The following CNNM1 variants were observed in gnomAD, a reference collection of about 807,000 sequenced individuals.
CNNM1 encodes the protein cyclin and CBS domain divalent metal cation transport mediator 1.
A neutral mutation model predicts 78.8 loss-of-function variants in CNNM1; 44 were observed. The observed-to-expected ratio is 0.56, with a 90% CI of 0.44 to 0.72. The LOEUF is 0.72. CNNM1 is among the 30% of genes least tolerant of loss of function. The pLI is 0.00. For synonymous variants in CNNM1, 584 were observed against 581.5 expected, an observed-to-expected ratio of 1.00 and a Z score of -0.06; for missense variants, 1,101 against 1,292.2, an observed-to-expected ratio of 0.85 and a Z score of 2.27.
intron 1 of CNNM1, among the ~76,000 whole-genome samples, chr10:99,337,601 G>A (rs2030247858): frequency 1.3e-5 from 2 of 152,150 alleles, no homozygotes; most frequent in South Asian, 4.1e-4. Context: ...TAGATTTTTT[G>A]GCCAGCTTCA....
chr10:99,337,334 A>T (rs78463680), intron 1 of CNNM1, among the ~76,000 whole-genome samples: 2,361 of 152,346 alleles, frequency 0.015, 32 homozygotes, highest in Middle Eastern at 0.034. Context: ...CTGGTAAGGC[A>T]GCCAGCAATG....
chr10:99,356,742 C>A (rs11190071), intron 1 of CNNM1, among the ~76,000 whole-genome samples: 69,024 of 151,912 alleles, frequency 0.45, 18,630 homozygotes, highest in Non-Finnish European at 0.6. Flanking sequence ...CTTCTTCTGC[C>A]AAACTGCCTG....
At chr10:99,386,880 G>A (rs974665631) in intron 7 of CNNM1, among the ~76,000 whole-genome samples, 6 of 152,298 alleles carry the variant, frequency 3.9e-5, no homozygotes, top group Admixed American at 2.6e-4. Context: ...GGTTTTGTCC[G>A]TTCACTAGCG....
chr10:99,331,110 A>C, intron 1 of CNNM1, 150 bp downstream of exon 1: 1 of 740,210 alleles, frequency 1.4e-6, no homozygotes, highest in South Asian at 2.0e-5. Context: ...CTCCCTGGCT[A>C]TTTTCATCTC....
chr10:99,373,712 T>A (rs1363716741), intron 6 of CNNM1, among the ~76,000 whole-genome samples: 1 of 151,040 alleles, frequency 6.6e-6, no homozygotes, highest in East Asian at 1.9e-4. Context: ...TCCCTCACCC[T>A]CTCCTGCCCT....
intron 6 of CNNM1, among the ~76,000 whole-genome samples, chr10:99,370,742 A>G (rs2031771953): frequency 6.6e-6 from 1 of 152,204 alleles, no homozygotes; most frequent in Non-Finnish European, 1.5e-5. Flanking sequence ...AATTTTTTTT[A>G]CTTTGCAAAA....
chr10:99,361,254 C>T (rs971224128), intron 3 of CNNM1, among the ~76,000 whole-genome samples: 48 of 152,220 alleles, frequency 3.2e-4, no homozygotes, highest in African/African-American at 1.1e-3. Flanking sequence ...CCCTCTTCTA[C>T]TCACTTCCTC....
intron 7 of CNNM1, among the ~76,000 whole-genome samples, chr10:99,380,405 T>G (rs2032103537): frequency 6.6e-6 from 1 of 152,160 alleles, no homozygotes; most frequent in Non-Finnish European, 1.5e-5. Flanking sequence ...CTTTACAGAT[T>G]GGACAGTACT....
chr10:99,362,470 C>G (rs970977153), intron 4 of CNNM1, 74 bp downstream of exon 4: 1 of 1,464,654 alleles, frequency 6.8e-7, no homozygotes, highest in Non-Finnish European at 9.2e-7. Flanking sequence ...GCCATGCCTC[C>G]GTCAGCACCA....
chr10:99,350,658 C>T (rs555023466), intron 1 of CNNM1, among the ~76,000 whole-genome samples: 17 of 152,172 alleles, frequency 1.1e-4, no homozygotes, highest in African/African-American at 2.6e-4. Flanking sequence ...TTTCAGGTTC[C>T]GGGGTATATG....
chr10:99,347,417 A>G (rs1458922751), intron 1 of CNNM1, among the ~76,000 whole-genome samples: 1 of 151,998 alleles, frequency 6.6e-6, no homozygotes, highest in Non-Finnish European at 1.5e-5. Flanking sequence ...GCTACTTGGG[A>G]GGCTGAGGCA....
In CNNM1 at chr10:99,377,108, C is replaced by A. The variant is rs764183199; in HGVS notation, c.2230C>A (p.Arg744=). The change falls in exon 7 of 11, where the codon CGA becomes AGA. Residue 744 remains arginine, a synonymous_variant. Transcript: ENST00000356713. The part of the protein sequence containing the change: ...SGLNRSESPN[R]ERSDFGGSNT... ...GTTGAATCGCTCTGAGTCTCCAAAC[C>A]GAGAGCGCAGTGACTTTGGGGGCAG... 6.9e-6 allele frequency: 11 copies of A among 1,602,588 alleles called. No homozygotes were observed. The highest frequency in any genetic ancestry group is 8.5e-6 in the Non-Finnish European group (10 of 1,174,610).
At position 99,388,180 on chromosome 10, in the gene CNNM1, C is replaced by T. The variant is rs773917244; in HGVS notation, c.2553C>T (p.Pro851=). 1 of 1,613,946 alleles carries T rather than the reference C, an allele frequency of 6.2e-7. No homozygotes were observed. Among genetic ancestry groups the T allele is most frequent in the Non-Finnish European group, 8.5e-7 (1 of 1,179,894 alleles). Residue 851 remains proline (P), a synonymous_variant, in exon 9 of 11, where the codon CCC becomes CCT. Coordinates refer to ENST00000356713, the MANE Select transcript of CNNM1 (RefSeq NM_020348.3). ...GCCGCTCAGACGGGCTGAGAAGCCC[C>T]AGCGAGGTAGTGTACCTGAGGATGG... is the stretch of plus-strand genomic sequence containing the variant. ...PCSRSDGLRS[P]SEVVYLRMEE... is the part of the protein sequence containing the mutation.
intron 2 of CNNM1, 67 bp from the exon 3 acceptor site, chr10:99,360,768 C>T (rs2031401287): frequency 1.3e-6 from 2 of 1,522,674 alleles, no homozygotes; most frequent in Non-Finnish European, 1.8e-6. Flanking sequence ...CCCTGTGATT[C>T]TGGGAAAACC....
chr10:99,362,540 T>C lies in CNNM1; in HGVS notation c.2028+144T>C. ...GGCCAGCTGGGTGGACATTTCTTCATGACCCACAGGAGGGGCCTAGACATG... is the reference window on the plus strand; with the variant it reads ...GGCCAGCTGGGTGGACATTTCTTCACGACCCACAGGAGGGGCCTAGACATG... On this transcript the variant is annotated intron_variant, in intron 4 of 10. Transcript: ENST00000356713. The C allele has an allele frequency of 9.2e-6, 7 of 759,990 alleles. No homozygotes were observed. In the South Asian group the frequency reaches 1.3e-4, roughly 14 times the overall value. The allele number at this position is 759,990 out of a possible 1,614,324, so 47.1% of individuals were successfully genotyped here.
At chr10:99,356,610 A>AAAAGG (rs2031219708) in intron 1 of CNNM1, among the ~76,000 whole-genome samples, 2 of 124,548 alleles carry the variant, frequency 1.6e-5, no homozygotes, top group African/African-American at 8.5e-5. Context: ...GAAAGAAAAG[A>AAAAGG]AAGAAAGAAA....
rs12244406 is a variant in CNNM1 at position 99,380,784 on chromosome 10, C to T, written c.2340+3566C>T. 8.0e-3 allele frequency among the ~76,000 whole-genome samples: 679 copies of T among 84,694 alleles called. 3 individuals are homozygous for T. The highest frequency in any genetic ancestry group is 0.031 in the African/African-American group (648 of 20,616). The allele number at this position is 84,694 out of a possible 152,430, so 55.6% of individuals were successfully genotyped here. ...CCAGCCTGGGTGACAGAGGGAGACTCGGCCTCAAAAAAAAAAAAAGAGAAA... is the reference window on the plus strand; with the variant it reads ...CCAGCCTGGGTGACAGAGGGAGACTTGGCCTCAAAAAAAAAAAAAGAGAAA... On this transcript the variant is annotated intron_variant, in intron 7 of 10. Transcript: ENST00000356713.
intron 3 of CNNM1, 39 bp from the exon 4 acceptor site, chr10:99,362,188 C>T: frequency 6.4e-7 from 1 of 1,560,386 alleles, no homozygotes; most frequent in Non-Finnish European, 8.7e-7. Context: ...TGGGACACAG[C>T]TGATGCTGAT....
At chr10:99,355,765 G>A (rs1274331768) in intron 1 of CNNM1, among the ~76,000 whole-genome samples, 1 of 152,212 alleles carries the variant, frequency 6.6e-6, no homozygotes, top group African/African-American at 2.4e-5. Flanking sequence ...TCTGTAAAAT[G>A]TGGAGAATAG....
Sources: allele counts gnomAD v4.1 joint callset (sites outside exome capture counted in the v4.1 genomes callset), GRCh38; gene constraint gnomAD v4.1.1; transcripts MANE v1.5; gene names NCBI Gene and HGNC (gene_info 2026-07-23, HGNC 2026-07-21).